The following BANP variants were observed in gnomAD, a reference collection of about 807,000 sequenced individuals.
BANP encodes protein BANP.
Under a neutral mutation model 68.1 loss-of-function variants are expected in BANP, and 11 were observed. The observed-to-expected ratio is 0.16, with a 90% CI of 0.10 to 0.27. BANP has a LOEUF of 0.27. Among genes scored for constraint, BANP ranks in the 10% least tolerant of loss-of-function variants. The pLI is 1.00. For synonymous variants in BANP, 329 were observed against 303.2 expected (o/e 1.09, Z -0.88); for missense variants, 504 against 722.7 (o/e 0.70, Z 3.47).
chr16:88,051,562 A>G (rs1355382185), intron 11 of BANP, among the ~76,000 whole-genome samples: 5 of 152,134 alleles, frequency 3.3e-5, no homozygotes, highest in African/African-American at 1.2e-4. Flanking sequence ...CCACGTAGAC[A>G]TGGATTTGGT....
intron 4 of BANP, among the ~76,000 whole-genome samples, chr16:87,998,082 G>A (rs1402591011): frequency 6.6e-6 from 1 of 152,178 alleles, no homozygotes; most frequent in Non-Finnish European, 1.5e-5. Context: ...CCAGCGGGTC[G>A]AGAGGCATTT....
chr16:88,056,457 CTCTCTTT>C (rs2085053647), intron 11 of BANP, among the ~76,000 whole-genome samples: 2 of 138,450 alleles, frequency 1.4e-5, no homozygotes, highest in Non-Finnish European at 3.2e-5. Context: ...AGCGTATTCT[CTCTCTTT>C]TTTTTTTTTT....
At chr16:88,020,805 A>G (rs891327355) in intron 7 of BANP, among the ~76,000 whole-genome samples, 22 of 152,178 alleles carry the variant, frequency 1.4e-4, no homozygotes, top group African/African-American at 4.8e-4. Flanking sequence ...TTGGATTGTC[A>G]GGCTAAGGAT....
intron 1 of BANP, among the ~76,000 whole-genome samples, chr16:87,958,178 C>T (rs1298499334): frequency 6.6e-6 from 1 of 152,124 alleles, no homozygotes; most frequent in African/African-American, 2.4e-5. Context: ...TCGTTTGTGC[C>T]ACGTTCCCTC....
chr16:87,972,550 C>A (rs887461019), intron 1 of BANP, among the ~76,000 whole-genome samples: 8 of 152,066 alleles, frequency 5.3e-5, no homozygotes, highest in African/African-American at 1.9e-4. Context: ...TGATATTTGG[C>A]CTCAGTAGTT....
At chr16:88,059,009 A>C (rs74040295) in intron 11 of BANP, among the ~76,000 whole-genome samples, 1 of 149,684 alleles carries the variant, frequency 6.7e-6, no homozygotes, top group Non-Finnish European at 1.5e-5. Flanking sequence ...CCTCACGCCC[A>C]GTGTGTATCA....
At position 87,995,865 on chromosome 16, in the gene BANP, G is replaced by A. The variant is rs571168780; in HGVS notation, c.363-8430G>A. Among the ~76,000 whole-genome samples the A allele has an allele frequency of 3.9e-5, 6 of 152,356 alleles. No individual in the cohort carries two copies. The East Asian group carries it at 5.8e-4, about 15-fold the overall frequency. ...CAGCGCGCCCGGCCTTGTTCATGCCGTGAGCTGGAGCGGGAGCCCCTGGAG... is the reference window on the plus strand; with the variant it reads ...CAGCGCGCCCGGCCTTGTTCATGCCATGAGCTGGAGCGGGAGCCCCTGGAG... On this transcript the variant is annotated intron_variant, in intron 4 of 13. Transcript: ENST00000682872.
At chr16:87,958,889 A>T (rs2058598539) in intron 1 of BANP, among the ~76,000 whole-genome samples, 1 of 152,208 alleles carries the variant, frequency 6.6e-6, no homozygotes, top group Non-Finnish European at 1.5e-5. Flanking sequence ...TGCAGAGGGG[A>T]AGGCCCAGAA....
At chr16:87,996,967 T>G (rs1291736038) in intron 4 of BANP, among the ~76,000 whole-genome samples, 3 of 152,252 alleles carry the variant, frequency 2.0e-5, no homozygotes, top group African/African-American at 7.2e-5. Flanking sequence ...TGCTCCATTT[T>G]GTGTGGTCCA....
intron 4 of BANP, among the ~76,000 whole-genome samples, chr16:87,998,190 T>C (rs556746512): frequency 6.6e-5 from 10 of 152,252 alleles, no homozygotes; most frequent in East Asian, 1.9e-4. Flanking sequence ...GGAGACATCA[T>C]TGGACGAACA....
At chr16:88,048,108 C>T (rs975387728) in intron 11 of BANP, among the ~76,000 whole-genome samples, 4 of 152,176 alleles carry the variant, frequency 2.6e-5, no homozygotes, top group African/African-American at 9.7e-5. Flanking sequence ...TTTGTCATAC[C>T]AGTTTTTCAA....
At chr16:87,977,097 C>T (rs376056084) in intron 2 of BANP, among the ~76,000 whole-genome samples, 31 of 152,116 alleles carry the variant, frequency 2.0e-4, no homozygotes, top group Middle Eastern at 3.4e-3. Context: ...CTAAGAACTG[C>T]GATTTCTTGA....
intron 13 of BANP, among the ~76,000 whole-genome samples, chr16:88,074,657 C>G (rs2091208014): frequency 1.3e-5 from 2 of 150,952 alleles, no homozygotes; most frequent in Non-Finnish European, 1.5e-5. Flanking sequence ...TTCCAGCTGT[C>G]TGGGGGAAGG....
chr16:87,994,107 G>C (rs7198461), intron 4 of BANP, among the ~76,000 whole-genome samples: 1,798 of 152,258 alleles, frequency 0.012, 41 homozygotes, highest in African/African-American at 0.041. Flanking sequence ...GGAGCGCGGC[G>C]GTGTGCTGCG....
In BANP at chr16:88,054,078, C is replaced by T. The variant is rs1396182516; in HGVS notation, c.1312-11189C>T. On this transcript the variant is annotated intron_variant, in intron 11 of 13. Coordinates refer to ENST00000682872, the MANE Select transcript of BANP (RefSeq NM_001386991.1). ...TCATCACCAACACAACCACCTTCAC[C>T]ACCACCTCTACTGTCATCTCCATCA... Among the ~76,000 whole-genome samples the T allele has an allele frequency of 3.5e-4, 35 of 99,982 alleles. 1 individual carries two copies. The highest frequency in any genetic ancestry group is 1.2e-3 in the South Asian group (4 of 3,304). The allele number at this position is 99,982 out of a possible 152,430, so 65.6% of individuals were successfully genotyped here. A position where few individuals can be genotyped will look rare whatever the true frequency, so the allele number is the denominator to read the frequency against.
rs1327682829 is a variant in BANP, at chr16:87,957,772, G to A, written c.-69+6257G>A. On this transcript the variant is annotated intron_variant, in intron 1 of 13. Transcript: ENST00000682872. This position sits in a 1 kb window ranked among gnomAD's most constrained non-coding sequence, Gnocchi z 4.3. ...GCGCTTCCCGTAAATATGGCAGAAC[G>A]CCTTCACCTTTCACCAGATGACGCG... Among the ~76,000 whole-genome samples, 2 of 152,330 alleles carry A rather than the reference G, an allele frequency of 1.3e-5. No homozygotes were observed. Among genetic ancestry groups the A allele is most frequent in the Admixed American group, 6.5e-5 (1 of 15,306 alleles).
At chr16:88,072,641 G>A (rs1351497086) in intron 13 of BANP, among the ~76,000 whole-genome samples, 4 of 152,374 alleles carry the variant, frequency 2.6e-5, no homozygotes, top group African/African-American at 9.6e-5. Context: ...AAAACAAAGC[G>A]CAGGGCTGCT....
intron 6 of BANP, among the ~76,000 whole-genome samples, chr16:88,012,267 A>G (rs1167873762): frequency 1.3e-5 from 2 of 152,224 alleles, no homozygotes; most frequent in Admixed American, 1.3e-4. Flanking sequence ...TGTGTTATCC[A>G]TTGTTGGAAC....
At chr16:88,066,996 C>T (rs140863442) in intron 12 of BANP, among the ~76,000 whole-genome samples, 127 of 152,342 alleles carry the variant, frequency 8.3e-4, no homozygotes, top group African/African-American at 2.7e-3. Context: ...ATGGAGGTAC[C>T]AGGCAAATTA....
Sources: allele counts gnomAD v4.1 joint callset (sites outside exome capture counted in the v4.1 genomes callset), GRCh38; gene constraint gnomAD v4.1.1; non-coding constraint Gnocchi (gnomAD v3.1); transcripts MANE v1.5; gene names NCBI Gene and HGNC (gene_info 2026-07-23, HGNC 2026-07-21).